Variants in ZNF704 observed in about 807,000 individuals in gnomAD.
ZNF704 encodes the protein zinc finger protein 704.
A neutral mutation model predicts 44.7 loss-of-function variants in ZNF704; 10 were observed. The observed-to-expected ratio is 0.22, with a 90% CI of 0.14 to 0.38. The LOEUF is 0.38. Ranked by LOEUF, ZNF704 falls within the 10% of genes least tolerant of loss-of-function variation. The pLI is 1.00. For missense variants in ZNF704, 390 were observed against 545.5 expected (o/e 0.71, Z 2.84); for synonymous variants, 211 against 207.6 (o/e 1.02, Z -0.14).
chr8:80,703,475 G>A (rs796312402), intron 2 of ZNF704, among the ~76,000 whole-genome samples: 1 of 152,084 alleles, frequency 6.6e-6, no homozygotes, highest in South Asian at 2.1e-4. Flanking sequence ...CTTAGGGTAA[G>A]TTTTGTTTTT....
At position 80,708,670 on chromosome 8, in the gene ZNF704, T is replaced by C. The variant is rs996152118; in HGVS notation, c.222-15563A>G. On this transcript the variant is annotated intron_variant, in intron 2 of 8. Transcript: ENST00000327835. The stretch of plus-strand genomic sequence containing the variant: ...GCTCATTTAGGTTGTCATACTTGTG[T>C]AGCAGCAGTTTATAGGCGCACTTAC... Among the ~76,000 whole-genome samples the C allele has an allele frequency of 2.0e-5, 3 of 152,374 alleles. No individual in the cohort carries two copies. The South Asian group carries it at 6.2e-4, about 32-fold the overall frequency.
chr8:80,774,058 T>C (rs1212889200), intron 2 of ZNF704, among the ~76,000 whole-genome samples: 3 of 151,990 alleles, frequency 2.0e-5, no homozygotes, highest in Non-Finnish European at 2.9e-5. Flanking sequence ...TTCTTTTTTT[T>C]TTTTTTGGAT....
At position 80,659,703 on chromosome 8, in the gene ZNF704, A is replaced by T. The variant is rs755753685; in HGVS notation, c.928-14T>A. On this transcript the variant is annotated splice_polypyrimidine_tract_variant and intron_variant, in intron 6 of 8. Coordinates refer to ENST00000327835, the MANE Select transcript of ZNF704 (RefSeq NM_001033723.3). ...AGGGGGTGTGGCCTGTCAAATAAAAAACAGAGAAAGCTGTTATGAAGGAAT... is the reference window on the plus strand; with the variant it reads ...AGGGGGTGTGGCCTGTCAAATAAAATACAGAGAAAGCTGTTATGAAGGAAT... The T allele has an allele frequency of 6.2e-7, 1 of 1,610,422 alleles. No individual in the cohort carries two copies. Among genetic ancestry groups the T allele is most frequent in the African/African-American group, 1.3e-5 (1 of 74,968 alleles).
rs147351278 is a variant in ZNF704 at position 80,762,048 on chromosome 8, A to C, written c.221+59326T>G. On this transcript the variant is annotated intron_variant, in intron 2 of 8. Transcript: ENST00000327835. The stretch of plus-strand genomic sequence containing the variant: ...TGAGGAAGTTTCAATATTTCTACAT[A>C]TGCGCACAATGCTTATACCCAATGT... Among the ~76,000 whole-genome samples the C allele has an allele frequency of 4.8e-3, 727 of 152,328 alleles. 2 individuals are homozygous for C. The highest frequency in any genetic ancestry group is 8.8e-3 in the Admixed American group (135 of 15,302).
chr8:80,686,790 C>A (rs549320102), intron 4 of ZNF704, among the ~76,000 whole-genome samples: 1 of 152,084 alleles, frequency 6.6e-6, no homozygotes, highest in Non-Finnish European at 1.5e-5. Context: ...CAGATGACTG[C>A]ATAAAAATGA....
At chr8:80,845,119 C>T (rs1808748119) in intron 1 of ZNF704, among the ~76,000 whole-genome samples, 2 of 152,126 alleles carry the variant, frequency 1.3e-5, no homozygotes, top group African/African-American at 4.8e-5. Flanking sequence ...AAATTTTTAG[C>T]CTTTCAGGAA....
intron 2 of ZNF704, among the ~76,000 whole-genome samples, chr8:80,713,334 T>C (rs993495865): frequency 1.3e-5 from 2 of 152,204 alleles, no homozygotes; most frequent in Non-Finnish European, 2.9e-5. Flanking sequence ...GTTTCATAGG[T>C]GTTGCTGTTA....
intron 1 of ZNF704, among the ~76,000 whole-genome samples, chr8:80,835,854 C>T (rs1358308901): frequency 1.3e-5 from 2 of 152,180 alleles, no homozygotes; most frequent in African/African-American, 2.4e-5. Context: ...AAGTTCAACT[C>T]ACCCATTCAC....
At position 80,635,709 on chromosome 8, in the gene ZNF704, C is replaced by A. The variant is rs1370864005; in HGVS notation, c.*5657G>T. 6.6e-6 allele frequency: 1 copy of A among 152,172 alleles called. No homozygotes were observed. Among genetic ancestry groups the A allele is most frequent in the Non-Finnish European group, 1.5e-5 (1 of 68,028 alleles). The allele number at this position is 152,172 out of a possible 1,614,324, so 9.4% of individuals were successfully genotyped here. ...CATGGCCTATAAGCATACCTGTTAA[C>A]ACTTTTTAGATTTAAAATATATAAA... On this transcript the variant is annotated 3_prime_UTR_variant, in exon 9 of 9. Coordinates refer to ENST00000327835, the MANE Select transcript of ZNF704 (RefSeq NM_001033723.3).
At chr8:80,824,909 G>A (rs1450558298) in intron 1 of ZNF704, among the ~76,000 whole-genome samples, 1 of 152,132 alleles carries the variant, frequency 6.6e-6, no homozygotes, top group African/African-American at 2.4e-5. Context: ...TGCCCTAAAA[G>A]AGCTCCTGAA....
chr8:80,694,373 A>G (rs1352742466), intron 2 of ZNF704: 4 of 152,194 alleles, frequency 2.6e-5, no homozygotes, highest in Middle Eastern at 3.2e-3. Flanking sequence ...GCTTATTTCA[A>G]TAAAGGAGGT....
At chr8:80,705,995 G>A (rs926138739) in intron 2 of ZNF704, among the ~76,000 whole-genome samples, 3 of 152,228 alleles carry the variant, frequency 2.0e-5, no homozygotes, top group Non-Finnish European at 2.9e-5. Flanking sequence ...CCTGTCGTAT[G>A]TGCAGGGGCG....
At chr8:80,822,295 C>T (rs918935455) in intron 1 of ZNF704, among the ~76,000 whole-genome samples, 5 of 150,216 alleles carry the variant, frequency 3.3e-5, no homozygotes, top group Middle Eastern at 3.2e-3. Flanking sequence ...TGACAGGCCC[C>T]GGTGTATGAT....
At chr8:80,864,097 A>G (rs1809113546) in intron 1 of ZNF704, among the ~76,000 whole-genome samples, 1 of 152,176 alleles carries the variant, frequency 6.6e-6, no homozygotes, top group African/African-American at 2.4e-5. Flanking sequence ...ACAAGTGAAA[A>G]TTTACCACAG....
At chr8:80,777,239 A>G (rs1464687055) in intron 2 of ZNF704, among the ~76,000 whole-genome samples, 1 of 152,046 alleles carries the variant, frequency 6.6e-6, no homozygotes, top group Non-Finnish European at 1.5e-5. Context: ...ATTTCACTCC[A>G]CTAATCCCTA....
At chr8:80,803,893 C>A (rs188391210) in intron 2 of ZNF704, among the ~76,000 whole-genome samples, 2 of 152,076 alleles carry the variant, frequency 1.3e-5, no homozygotes. Context: ...AGAGTGAACA[C>A]ACAACCTACA....
At chr8:80,668,161 T>C (rs1388361657) in intron 5 of ZNF704, among the ~76,000 whole-genome samples, 2 of 152,238 alleles carry the variant, frequency 1.3e-5, no homozygotes, top group Non-Finnish European at 1.5e-5. Context: ...TGTGAGTTTG[T>C]AGAGAAGTGG....
At chr8:80,860,654 C>A (rs1169018296) in intron 1 of ZNF704, among the ~76,000 whole-genome samples, 1 of 152,168 alleles carries the variant, frequency 6.6e-6, no homozygotes, top group African/African-American at 2.4e-5. Context: ...ATGCTCCTTC[C>A]CTTATTTCCT....
intron 2 of ZNF704, among the ~76,000 whole-genome samples, chr8:80,782,610 A>G (rs985209897): frequency 1.3e-5 from 2 of 152,194 alleles, no homozygotes; most frequent in Non-Finnish European, 2.9e-5. Context: ...ACGTTAATAT[A>G]CAATAGTAGG....
Sources: allele counts gnomAD v4.1 joint callset (sites outside exome capture counted in the v4.1 genomes callset), GRCh38; gene constraint gnomAD v4.1.1; transcripts MANE v1.5; gene names NCBI Gene and HGNC (gene_info 2026-07-23, HGNC 2026-07-21).